KCNB2: variants seen among roughly 807,000 people sequenced by gnomAD.
KCNB2 encodes the protein delayed rectifier potassium channel protein.
KCNB2 carries 15 observed loss-of-function variants against 61.5 expected under a neutral mutation model. That is an observed-to-expected ratio of 0.24 (90% CI 0.16 to 0.38). KCNB2 has a LOEUF of 0.38. Ranked by LOEUF, KCNB2 falls within the 10% of genes least tolerant of loss-of-function variation. The probability of loss-of-function intolerance (pLI) is 1.00; values close to 1 mark genes in which losing one functional copy is unlikely to be tolerated. For missense variants in KCNB2, 828 were observed against 1,125.2 expected, an observed-to-expected ratio of 0.74 and a Z score of 3.78; for synonymous variants, 457 against 446.0, an observed-to-expected ratio of 1.02 and a Z score of -0.31.
intron 2 of KCNB2, among the ~76,000 whole-genome samples, chr8:72,590,331 T>C (rs1807074917): frequency 6.6e-6 from 1 of 152,220 alleles, no homozygotes; most frequent in Non-Finnish European, 1.5e-5. Flanking sequence ...TTCCTGAGAT[T>C]GTTCTCCTCA....
intron 2 of KCNB2, among the ~76,000 whole-genome samples, chr8:72,610,999 A>C (rs1805528489): frequency 6.6e-6 from 1 of 152,226 alleles, no homozygotes; most frequent in Non-Finnish European, 1.5e-5. Flanking sequence ...CATTGACTTT[A>C]TCACTGACCT....
chr8:72,582,689 C>T (rs186518859), intron 2 of KCNB2, among the ~76,000 whole-genome samples: 41 of 152,294 alleles, frequency 2.7e-4, no homozygotes, highest in African/African-American at 8.9e-4. Context: ...CATAGCTCAC[C>T]GTAACCTCAA....
intron 2 of KCNB2, among the ~76,000 whole-genome samples, chr8:72,869,903 C>T (rs577498477): frequency 1.3e-5 from 2 of 152,262 alleles, no homozygotes; most frequent in Middle Eastern, 3.4e-3. Context: ...CTATTCACTG[C>T]GGTATTATTC....
intron 2 of KCNB2, among the ~76,000 whole-genome samples, chr8:72,764,636 G>C (rs1040417402): frequency 6.6e-6 from 1 of 152,146 alleles, no homozygotes; most frequent in African/African-American, 2.4e-5. Context: ...AAGGCCCCTT[G>C]TTTTGACCAT....
intron 2 of KCNB2, among the ~76,000 whole-genome samples, chr8:72,646,938 T>C (rs1563548003): frequency 6.6e-6 from 1 of 152,168 alleles, no homozygotes. Context: ...ACAGTGATTC[T>C]ATTTTCTTGG....
chr8:72,681,407 G>A (rs1355110833), intron 2 of KCNB2, among the ~76,000 whole-genome samples: 3 of 151,792 alleles, frequency 2.0e-5, no homozygotes, highest in Non-Finnish European at 2.9e-5. Flanking sequence ...ATTAACCCAG[G>A]CCTACACAGC....
intron 1 of KCNB2, among the ~76,000 whole-genome samples, chr8:72,554,039 A>G (rs532619373): frequency 1.3e-5 from 2 of 152,226 alleles, no homozygotes; most frequent in South Asian, 4.1e-4. Context: ...CTGGTACTTT[A>G]TATTAGTTTC....
chr8:72,821,912 T>C (rs1481332968), intron 2 of KCNB2, among the ~76,000 whole-genome samples: 2 of 152,078 alleles, frequency 1.3e-5, no homozygotes, highest in African/African-American at 4.8e-5. Context: ...AGCCTACCAC[T>C]CCCCACACAC....
Position 72,573,539 on chromosome 8 carries a change from G to A in KCNB2, c.579+5226G>A, listed in dbSNP as rs549671112. On this transcript the variant is annotated intron_variant, in intron 2 of 2. Transcript: ENST00000523207. The stretch of plus-strand genomic sequence containing the variant: ...CTACACTGAGGCCCTTCTGTGTACC[G>A]TGCAGTGCTGTCCTCTACATTGAGG... Among the ~76,000 whole-genome samples, 35 of 151,960 alleles carry A rather than the reference G, an allele frequency of 2.3e-4. No individual in the cohort carries two copies. In the South Asian group the frequency reaches 7.1e-3, roughly 31 times the overall value.
chr8:72,797,067 C>T (rs938726157), intron 2 of KCNB2, among the ~76,000 whole-genome samples: 2 of 152,040 alleles, frequency 1.3e-5, no homozygotes, highest in African/African-American at 2.4e-5. Flanking sequence ...AGGTCAATAA[C>T]GATGGTACGA....
chr8:72,924,594 T>TA (rs1187677408), intron 2 of KCNB2, among the ~76,000 whole-genome samples: 1 of 152,126 alleles, frequency 6.6e-6, no homozygotes, highest in Non-Finnish European at 1.5e-5. Context: ...CAGGAGCAGA[T>TA]AATAGAATGT....
chr8:72,607,905 G>GTA (rs1428754409), intron 2 of KCNB2, among the ~76,000 whole-genome samples: 1 of 151,966 alleles, frequency 6.6e-6, no homozygotes, highest in Non-Finnish European at 1.5e-5. Flanking sequence ...AACTGGGTTA[G>GTA]TACATAAAAA....
chr8:72,795,668 T>C (rs561055438), intron 2 of KCNB2, among the ~76,000 whole-genome samples: 1 of 152,246 alleles, frequency 6.6e-6, no homozygotes, highest in Admixed American at 6.5e-5. Flanking sequence ...ATTTCACCCT[T>C]CAAATGTCCT....
intron 2 of KCNB2, among the ~76,000 whole-genome samples, chr8:72,915,505 G>A (rs1243142556): frequency 6.6e-6 from 1 of 152,164 alleles, no homozygotes; most frequent in Non-Finnish European, 1.5e-5. Context: ...GTTCGATGTA[G>A]AGCTTATGGA....
chr8:72,895,506 G>A (rs940746900), intron 2 of KCNB2, among the ~76,000 whole-genome samples: 1 of 152,176 alleles, frequency 6.6e-6, no homozygotes, highest in Non-Finnish European at 1.5e-5. Flanking sequence ...TTTTAGCTCA[G>A]TGAGATCCAT....
chr8:72,816,146 C>T lies in KCNB2; in HGVS notation c.580-119789C>T, dbSNP rs902351881. Among the ~76,000 whole-genome samples the T allele has an allele frequency of 3.3e-5, 5 of 152,168 alleles. 1 individual carries two copies. The highest frequency in any genetic ancestry group is 3.3e-4 in the Admixed American group (5 of 15,284). Reference sequence around the variant, plus strand: ...GGAAGCTGGGGTAGCATGGATCGTACTAAAATGAAAATAGATTTCCTTAAA... The same window carrying T: ...GGAAGCTGGGGTAGCATGGATCGTATTAAAATGAAAATAGATTTCCTTAAA... On this transcript the variant is annotated intron_variant, in intron 2 of 2. Coordinates refer to ENST00000523207, the MANE Select transcript of KCNB2 (RefSeq NM_004770.3).
At position 72,548,112 on chromosome 8, in the gene KCNB2, G is replaced by A. The variant is rs181125409; in HGVS notation, c.-94+10227G>A. On this transcript the variant is annotated intron_variant, in intron 1 of 2. Transcript: ENST00000523207. ...TCCCCAATAGAGCATTTTAATTAAG[G>A]TATGAACATTTTTAATCGAAATAAT... 9.9e-5 allele frequency among the ~76,000 whole-genome samples: 15 copies of A among 152,136 alleles called. No individual in the cohort carries two copies. The East Asian group carries it at 2.5e-3, about 25-fold the overall frequency.
chr8:72,781,389 G>C (rs764663873), intron 2 of KCNB2, among the ~76,000 whole-genome samples: 10 of 152,244 alleles, frequency 6.6e-5, no homozygotes, highest in Middle Eastern at 3.4e-3. Flanking sequence ...GTTTATTTTT[G>C]TGTAAGGTAT....
At chr8:72,582,809 C>T (rs79986671) in intron 2 of KCNB2, among the ~76,000 whole-genome samples, 3,695 of 152,020 alleles carry the variant, frequency 0.024, 132 homozygotes, top group African/African-American at 0.082. Flanking sequence ...TTTGTAGAGA[C>T]GAGGTCTTGG....
Sources: allele counts gnomAD v4.1 joint callset (sites outside exome capture counted in the v4.1 genomes callset), GRCh38; gene constraint gnomAD v4.1.1; transcripts MANE v1.5; gene names NCBI Gene and HGNC (gene_info 2026-07-23, HGNC 2026-07-21).